Variants in STXBP4 observed in about 807,000 individuals in gnomAD.
The protein encoded by STXBP4 is syntaxin binding protein 4.
Under a neutral mutation model 76.1 loss-of-function variants are expected in STXBP4, and 55 were observed. The observed-to-expected ratio is 0.72, with a 90% CI of 0.58 to 0.91. The LOEUF (loss-of-function observed/expected upper bound fraction) is 0.91. Ranked by LOEUF, STXBP4 falls within the 40% of genes least tolerant of loss-of-function variation. The pLI is 0.00. For synonymous variants in STXBP4, 201 were observed against 220.2 expected (o/e 0.91, Z 0.77); for missense variants, 618 against 636.9 (o/e 0.97, Z 0.32).
At chr17:55,180,690 G>A in the STXBP4 span, among the ~76,000 whole-genome samples, 1 of 152,208 alleles carries the variant, frequency 6.6e-6, no homozygotes, top group Admixed American at 6.5e-5. Context: ...CATGCTTTCT[G>A]TCATTAAGCT....
intron 2 of STXBP4, 72 bp downstream of exon 2, chr17:54,985,763 C>G (rs1464842455): frequency 6.5e-6 from 1 of 153,826 alleles, no homozygotes; most frequent in East Asian, 1.9e-4. Context: ...GCTTCGTAGC[C>G]TTGTACTCAC....
intron 16 of STXBP4, among the ~76,000 whole-genome samples, chr17:55,093,774 A>G (rs1266539650): frequency 6.6e-6 from 1 of 152,198 alleles, no homozygotes; most frequent in East Asian, 1.9e-4. Flanking sequence ...AGAAAAGGTA[A>G]TGATTTACAT....
intron 9 of STXBP4, among the ~76,000 whole-genome samples, 158 bp downstream of exon 9, chr17:55,031,422 T>C (rs557802888): frequency 3.3e-5 from 5 of 151,540 alleles, no homozygotes; most frequent in Admixed American, 2.6e-4. Context: ...AGAACTCAGC[T>C]AGAATTACTG....
chr17:54,981,826 C>T lies in STXBP4; in HGVS notation c.-156-3788C>T, dbSNP rs183853119. On this transcript the variant is annotated intron_variant, in intron 1 of 17. Coordinates refer to ENST00000376352, the MANE Select transcript of STXBP4 (RefSeq NM_178509.6). The stretch of plus-strand genomic sequence containing the variant: ...TGTAATATTTAAGAACTCCTAGAAA[C>T]TGAACAGAGAAAGACCTAACGATAA... Among the ~76,000 whole-genome samples the T allele has an allele frequency of 5.0e-4, 76 of 152,158 alleles. 1 individual carries two copies. The East Asian group carries it at 8.9e-3, about 18-fold the overall frequency.
chr17:55,086,545 CCT>C (rs2079333035), intron 16 of STXBP4, among the ~76,000 whole-genome samples: 2 of 152,140 alleles, frequency 1.3e-5, no homozygotes, highest in South Asian at 4.1e-4. Context: ...TCCCTATCCC[CCT>C]GTTCTCCGTG....
intron 7 of STXBP4, among the ~76,000 whole-genome samples, chr17:55,002,718 C>G (rs1304751440): frequency 6.6e-6 from 1 of 152,172 alleles, no homozygotes. Context: ...TACCACCAGG[C>G]TCTGAATACA....
chr17:55,152,245 A>G (rs1242060656), intron 17 of STXBP4, among the ~76,000 whole-genome samples: 1 of 152,156 alleles, frequency 6.6e-6, no homozygotes, highest in East Asian at 1.9e-4. Context: ...CACTGGGGCT[A>G]TAAAGATGAG....
intron 17 of STXBP4, among the ~76,000 whole-genome samples, chr17:55,142,567 T>C (rs994777751): frequency 6.6e-6 from 1 of 152,142 alleles, no homozygotes; most frequent in East Asian, 1.9e-4. Context: ...AGCATAGAAC[T>C]TGGAACACAG....
intron 12 of STXBP4, among the ~76,000 whole-genome samples, chr17:55,071,469 T>C (rs1396284080): frequency 6.6e-6 from 1 of 152,158 alleles, no homozygotes; most frequent in Non-Finnish European, 1.5e-5. Context: ...CTGTTCGCTC[T>C]TCCTAGAAAG....
intron 17 of STXBP4, among the ~76,000 whole-genome samples, chr17:55,151,783 G>A (rs2080220265): frequency 6.6e-6 from 1 of 152,200 alleles, no homozygotes; most frequent in Non-Finnish European, 1.5e-5. Context: ...GCTAAAAATA[G>A]TATTTGCTTG....
chr17:55,092,393 A>G (rs1295041976), intron 16 of STXBP4, among the ~76,000 whole-genome samples: 1 of 152,222 alleles, frequency 6.6e-6, no homozygotes, highest in Non-Finnish European at 1.5e-5. Context: ...AATTTCTCTC[A>G]GTAAAGAAAG....
downstream of STXBP4, among the ~76,000 whole-genome samples, chr17:55,175,193 A>G (rs1357010194): frequency 6.6e-6 from 1 of 152,222 alleles, no homozygotes; most frequent in Non-Finnish European, 1.5e-5. Context: ...ACTGCAGAGT[A>G]GTTCCTAAGC....
In STXBP4 at chr17:55,086,312, A is replaced by G. The variant is rs192037306; in HGVS notation, c.1489+5129A>G. Among the ~76,000 whole-genome samples the G allele has an allele frequency of 8.7e-4, 132 of 152,278 alleles. 1 individual carries two copies. The highest frequency in any genetic ancestry group is 3.1e-3 in the African/African-American group (130 of 41,558). ...ATGTATGCATGGGGTACATAGTGAT[A>G]TTTTGATACACATAATATACAATAG... On this transcript the variant is annotated intron_variant, in intron 16 of 17. Transcript: ENST00000376352.
chr17:55,200,776 G>A, the STXBP4 span, among the ~76,000 whole-genome samples: 1 of 152,214 alleles, frequency 6.6e-6, no homozygotes, highest in Non-Finnish European at 1.5e-5. Context: ...TTGATTGAAT[G>A]TACAGCTAAA....
intron 12 of STXBP4, among the ~76,000 whole-genome samples, chr17:55,050,652 A>C (rs2078847630): frequency 6.6e-6 from 1 of 152,120 alleles, no homozygotes; most frequent in South Asian, 2.1e-4. Flanking sequence ...TAAAAATTAC[A>C]TGAAATGGTA....
chr17:55,113,678 C>G (rs188515740), intron 16 of STXBP4, among the ~76,000 whole-genome samples: 1 of 152,070 alleles, frequency 6.6e-6, no homozygotes, highest in East Asian at 1.9e-4. Context: ...TTGAAAAGAC[C>G]TGGAAAGAAT....
chr17:55,064,648 G>A (rs972311803), intron 12 of STXBP4, among the ~76,000 whole-genome samples: 4 of 151,864 alleles, frequency 2.6e-5, no homozygotes, highest in South Asian at 2.1e-4. Flanking sequence ...CACGCCACCC[G>A]CCACCCGCCA....
chr17:55,089,487 G>A (rs2144957711), intron 16 of STXBP4, among the ~76,000 whole-genome samples: 1 of 152,304 alleles, frequency 6.6e-6, no homozygotes, highest in East Asian at 1.9e-4. Flanking sequence ...TGCTAACTGT[G>A]AGGAAACTTT....
At chr17:55,132,753 CAG>C (rs150749296) in intron 16 of STXBP4, among the ~76,000 whole-genome samples, 9,680 of 152,096 alleles carry the variant, frequency 0.064, 954 homozygotes, top group African/African-American at 0.22. Context: ...TAATGAGTGT[CAG>C]AGGCTGGAGA....
Sources: gnomAD v4.1 joint callset for allele counts (sites outside exome capture counted in the v4.1 genomes callset) on GRCh38, gnomAD v4.1.1 for gene constraint, MANE v1.5 for transcripts, NCBI Gene and HGNC (gene_info 2026-07-23, HGNC 2026-07-21) for gene names.